The following MYL4 variants were observed in gnomAD, a reference collection of about 807,000 sequenced individuals.
MYL4 encodes the protein myosin light chain 4.
A neutral mutation model predicts 21.6 loss-of-function variants in MYL4; 16 were observed. The observed-to-expected ratio is 0.74, with a 90% CI of 0.50 to 1.12. The LOEUF (loss-of-function observed/expected upper bound fraction) is 1.12, where lower values mean the gene tolerates loss of function less well. MYL4 is among the 50% of genes most tolerant of loss of function. The pLI is 0.00. For synonymous variants in MYL4, 82 were observed against 95.7 expected (o/e 0.86, Z 0.83); for missense variants, 249 against 252.9 (o/e 0.98, Z 0.11).
chr17:47,222,647 A>G lies in MYL4; in HGVS notation c.565+190A>G, dbSNP rs374686761. Among the ~76,000 whole-genome samples, 6 of 152,006 alleles carry G rather than the reference A, an allele frequency of 3.9e-5. No individual in the cohort carries two copies. In the East Asian group the frequency reaches 7.7e-4, roughly 20 times the overall value. On this transcript the variant is annotated intron_variant, in intron 5 of 6. Coordinates refer to ENST00000393450, the MANE Select transcript of MYL4 (RefSeq NM_002476.2). ...AATGGCGGGAGCATGGATTTTGGAG[A>G]TAGCTCTGTGATATATTAGCTGGTG...
upstream of MYL4, among the ~76,000 whole-genome samples, chr17:47,199,737 C>CTT (rs33975035): frequency 0.26 from 25,964 of 101,264 alleles, 4,233 homozygotes; most frequent in African/African-American, 0.29. Flanking sequence ...GTAGTAAAGT[C>CTT]TTTTTTTTTT....
chr17:47,218,297 A>G (rs537868856), intron 2 of MYL4, among the ~76,000 whole-genome samples: 7 of 152,360 alleles, frequency 4.6e-5, no homozygotes, highest in African/African-American at 2.4e-5. Flanking sequence ...TAAATAATCC[A>G]TACGCAGCCT....
intron 2 of MYL4, among the ~76,000 whole-genome samples, chr17:47,218,695 A>C (rs1379293482): frequency 6.6e-6 from 1 of 152,134 alleles, no homozygotes; most frequent in East Asian, 1.9e-4. Flanking sequence ...GCTGAGGCAC[A>C]GGAATTGCTT....
chr17:47,218,954 G>C (rs1429091981), intron 2 of MYL4, among the ~76,000 whole-genome samples: 1 of 152,202 alleles, frequency 6.6e-6, no homozygotes, highest in Non-Finnish European at 1.5e-5. Flanking sequence ...AGAGAACTAG[G>C]AAACAGCTGT....
At chr17:47,202,190 T>G (rs1311529572) in intron 1 of MYL4, among the ~76,000 whole-genome samples, 2 of 152,218 alleles carry the variant, frequency 1.3e-5, no homozygotes, top group Non-Finnish European at 2.9e-5. Context: ...TTCACCATGT[T>G]GGCCAGGCTG....
At chr17:47,221,644 C>A (rs181129684) in intron 3 of MYL4, 38 bp from the exon 4 acceptor site, 41 of 1,589,286 alleles carry the variant, frequency 2.6e-5, no homozygotes, top group Middle Eastern at 3.3e-4. Flanking sequence ...AGCACCTGCT[C>A]ACATTGATTT....
At chr17:47,226,702 T>C (rs573638584), downstream of MYL4, among the ~76,000 whole-genome samples, 45 of 152,378 alleles carry the variant, frequency 3.0e-4, no homozygotes, top group Admixed American at 9.8e-4. Context: ...AGTCCCTGGC[T>C]GGCACAGCCG....
chr17:47,206,869 C>T (rs564986529), upstream of MYL4, among the ~76,000 whole-genome samples: 41 of 152,246 alleles, frequency 2.7e-4, no homozygotes, highest in South Asian at 1.5e-3. Context: ...GCACAAACTC[C>T]GCAGGATGCA....
chr17:47,213,972 T>C (rs2064795997), intron 2 of MYL4, 146 bp downstream of exon 2: 2 of 948,638 alleles, frequency 2.1e-6, no homozygotes, highest in South Asian at 1.3e-5. Flanking sequence ...GCATCTACCA[T>C]GTGTCAGGCA....
At chr17:47,215,369 G>T (rs189723606) in intron 2 of MYL4, among the ~76,000 whole-genome samples, 7 of 152,308 alleles carry the variant, frequency 4.6e-5, no homozygotes, top group African/African-American at 1.7e-4. Flanking sequence ...GGGCTGATGG[G>T]GAGGGGACAA....
chr17:47,205,334 T>C (rs1401652883), upstream of MYL4, among the ~76,000 whole-genome samples: 1 of 152,172 alleles, frequency 6.6e-6, no homozygotes, highest in Non-Finnish European at 1.5e-5. Context: ...CTACATCTCC[T>C]TCTTTCCTTG....
chr17:47,219,473 G>T (rs2064838073), intron 2 of MYL4, among the ~76,000 whole-genome samples: 1 of 152,130 alleles, frequency 6.6e-6, no homozygotes, highest in South Asian at 2.1e-4. Flanking sequence ...AGAGCGGGAT[G>T]TGTGGGTGGG....
At chr17:47,224,085 C>T (rs1040899765), downstream of MYL4, among the ~76,000 whole-genome samples, 1 of 152,194 alleles carries the variant, frequency 6.6e-6, no homozygotes, top group Admixed American at 6.5e-5. Context: ...ACCATCTTAA[C>T]CATTTTTAAG....
chr17:47,199,701 T>C (rs1321606176), upstream of MYL4, among the ~76,000 whole-genome samples: 1 of 151,466 alleles, frequency 6.6e-6, no homozygotes, highest in Non-Finnish European at 1.5e-5. Context: ...TACCTGCATA[T>C]TGTAGGTGCT....
chr17:47,199,780 C>T (rs1264972868), upstream of MYL4, among the ~76,000 whole-genome samples: 4 of 141,498 alleles, frequency 2.8e-5, no homozygotes, highest in Admixed American at 7.3e-5. Context: ...CTGTCACTCG[C>T]GCTGTAAAGC....
upstream of MYL4, among the ~76,000 whole-genome samples, chr17:47,204,556 A>G (rs2064720318): frequency 6.6e-6 from 1 of 152,154 alleles, no homozygotes; most frequent in Non-Finnish European, 1.5e-5. Context: ...TACAGATGAG[A>G]AAACTGAGGC....
At chr17:47,217,829 T>A (rs1391164639) in intron 2 of MYL4, among the ~76,000 whole-genome samples, 14 of 151,834 alleles carry the variant, frequency 9.2e-5, no homozygotes, top group Non-Finnish European at 2.9e-5. Context: ...AGGTTGGGAG[T>A]TCGAGACCAG....
chr17:47,225,855 CTTTT>C (rs60342000), downstream of MYL4, among the ~76,000 whole-genome samples: 5 of 113,296 alleles, frequency 4.4e-5, no homozygotes, highest in East Asian at 2.4e-4. Context: ...TCCTTCCCTT[CTTTT>C]TTTTTTTTTT....
upstream of MYL4, among the ~76,000 whole-genome samples, chr17:47,197,907 T>C (rs2064695415): frequency 6.6e-6 from 1 of 152,214 alleles, no homozygotes; most frequent in African/African-American, 2.4e-5. Context: ...GACTGGAGGC[T>C]GTATAAGCTT....
Sources: gnomAD v4.1 joint callset for allele counts (sites outside exome capture counted in the v4.1 genomes callset) on GRCh38, gnomAD v4.1.1 for gene constraint, MANE v1.5 for transcripts, NCBI Gene and HGNC (gene_info 2026-07-23, HGNC 2026-07-21) for gene names.